The following SPATA1 variants were observed in gnomAD, a reference collection of about 807,000 sequenced individuals.
SPATA1 encodes spermatogenesis associated 1, also known as spermatogenesis-associated protein 1.
SPATA1 carries 57 observed loss-of-function variants against 59.6 expected under a neutral mutation model. The observed-to-expected ratio is 0.96, with a 90% CI of 0.77 to 1.19. The LOEUF is 1.19. SPATA1 is among the 50% of genes most tolerant of loss of function. SPATA1 has a pLI of 0.00. For missense variants in SPATA1, 448 were observed against 480.7 expected, an observed-to-expected ratio of 0.93 and a Z score of 0.64; for synonymous variants, 147 against 163.9, an observed-to-expected ratio of 0.90 and a Z score of 0.79.
At chr1:84,528,968 C>G (rs1683346856) in intron 6 of SPATA1, among the ~76,000 whole-genome samples, 1 of 152,056 alleles carries the variant, frequency 6.6e-6, no homozygotes, top group East Asian at 1.9e-4. Flanking sequence ...TCATTCCCTC[C>G]CCACTGATTT....
intron 6 of SPATA1, among the ~76,000 whole-genome samples, chr1:84,528,648 T>G (rs1683333060): frequency 6.6e-6 from 1 of 152,210 alleles, no homozygotes; most frequent in South Asian, 2.1e-4. Flanking sequence ...GTTTGCAGCT[T>G]GGGACTATTA....
intron 8 of SPATA1, among the ~76,000 whole-genome samples, chr1:84,538,704 C>T (rs1683802970): frequency 6.6e-6 from 1 of 152,148 alleles, no homozygotes; most frequent in Admixed American, 6.5e-5. Flanking sequence ...GAATCAGAAG[C>T]CTGCCAACTT....
chr1:84,529,136 C>A (rs1404099914), intron 6 of SPATA1, among the ~76,000 whole-genome samples: 1 of 151,786 alleles, frequency 6.6e-6, no homozygotes, highest in Non-Finnish European at 1.5e-5. Flanking sequence ...TATTATTATT[C>A]TTTATTGTGA....
exon 1 of SPATA1, chr1:84,506,406 C>T: frequency 4.4e-6 from 1 of 229,026 alleles, no homozygotes; most frequent in Non-Finnish European, 8.7e-6. Flanking sequence ...CCAGAGGGGC[C>T]GATTAGGGAG....
chr1:84,554,987 GA>G (rs1465444176), downstream of SPATA1: 2 of 1,608,330 alleles, frequency 1.2e-6, no homozygotes, highest in Non-Finnish European at 1.7e-6. Flanking sequence ...TTAATGGTTT[GA>G]CAAAAGATGT....
chr1:84,508,233 G>A (rs955723072), intron 1 of SPATA1, among the ~76,000 whole-genome samples: 8 of 151,194 alleles, frequency 5.3e-5, no homozygotes, highest in African/African-American at 1.5e-4. Context: ...GCAGTGAGCC[G>A]AGATGGCACC....
intron 1 of SPATA1, among the ~76,000 whole-genome samples, chr1:84,514,923 A>G (rs1199594349): frequency 6.6e-6 from 1 of 152,102 alleles, no homozygotes; most frequent in Non-Finnish European, 1.5e-5. Flanking sequence ...GTGAGCCAAG[A>G]CTGCGCTACT....
intron 8 of SPATA1, among the ~76,000 whole-genome samples, chr1:84,536,767 TG>T (rs1304857255): frequency 1.3e-4 from 20 of 151,674 alleles, no homozygotes. Context: ...AACCAGACAT[TG>T]GGGAAATATA....
At chr1:84,525,344 T>G (rs1044191254) in intron 4 of SPATA1, among the ~76,000 whole-genome samples, 1 of 152,232 alleles carries the variant, frequency 6.6e-6, no homozygotes, top group Non-Finnish European at 1.5e-5. Context: ...AAATAAAGTT[T>G]ACTAAGTTGG....
intron 8 of SPATA1, among the ~76,000 whole-genome samples, chr1:84,536,021 A>C (rs916751106): frequency 6.6e-6 from 1 of 152,162 alleles, no homozygotes; most frequent in Non-Finnish European, 1.5e-5. Context: ...TCCTGCTTAA[A>C]CCTGCACTGA....
chr1:84,538,419 C>A (rs1164363583), intron 8 of SPATA1, among the ~76,000 whole-genome samples: 1 of 152,108 alleles, frequency 6.6e-6, no homozygotes, highest in Non-Finnish European at 1.5e-5. Context: ...TATCATGATC[C>A]CCTTGGACCT....
downstream of SPATA1, among the ~76,000 whole-genome samples, chr1:84,556,604 C>G (rs1293235008): frequency 1.3e-5 from 2 of 151,114 alleles, no homozygotes; most frequent in Non-Finnish European, 2.9e-5. Flanking sequence ...CCCAGCTACT[C>G]TCGAGGCTGA....
chr1:84,549,086 A>AGGTCAT, intron 11 of SPATA1, 122 bp downstream of exon 11: 1 of 962,194 alleles, frequency 1.0e-6, no homozygotes, highest in South Asian at 3.0e-5. Context: ...TTAAAACAAT[A>AGGTCAT]AAAAAACTCA....
intron 11 of SPATA1, chr1:84,549,630 TTTA>T (rs1684211405): frequency 6.6e-6 from 1 of 152,090 alleles, no homozygotes; most frequent in Admixed American, 6.6e-5. Context: ...TGAAGTTTAT[TTTA>T]TTATTAATTC....
intron 4 of SPATA1, among the ~76,000 whole-genome samples, chr1:84,560,726 G>T (rs1684579873): frequency 6.6e-6 from 1 of 152,116 alleles, no homozygotes; most frequent in African/African-American, 2.4e-5. Flanking sequence ...TTAAGTTGAA[G>T]CCAGTGTTCA....
rs774139177 is a variant in SPATA1, at chr1:84,533,691, C to G, written c.660-18C>G. On this transcript the variant is annotated intron_variant, in intron 7 of 12. Coordinates refer to ENST00000490879, the Ensembl canonical transcript of SPATA1. Reference sequence around the variant, plus strand: ...GGATCATGTTTTAATGACTTTCAAACCTGTCATTTCCTTTAAGTCAGTGTC... The same window carrying G: ...GGATCATGTTTTAATGACTTTCAAAGCTGTCATTTCCTTTAAGTCAGTGTC... The G allele has an allele frequency of 7.8e-6, 12 of 1,539,386 alleles. No homozygotes were observed. The highest frequency in any genetic ancestry group is 1.4e-5 in the African/African-American group (1 of 73,148).
At chr1:84,544,574 T>A (rs1196107647) in intron 9 of SPATA1, among the ~76,000 whole-genome samples, 1 of 152,100 alleles carries the variant, frequency 6.6e-6, no homozygotes, top group African/African-American at 2.4e-5. Flanking sequence ...TTATTTTATT[T>A]TTTTTAGACA....
At chr1:84,510,953 A>AT (rs1682512086) in intron 1 of SPATA1, among the ~76,000 whole-genome samples, 4 of 152,188 alleles carry the variant, frequency 2.6e-5, no homozygotes, top group Non-Finnish European at 5.9e-5. Flanking sequence ...TTGGCAGTAA[A>AT]AATTGAAACA....
At chr1:84,521,114 C>CA (rs1683003833) in intron 3 of SPATA1, among the ~76,000 whole-genome samples, 1 of 88,500 alleles carries the variant, frequency 1.1e-5, no homozygotes, top group Non-Finnish European at 2.2e-5. Context: ...CTGCCAAAAA[C>CA]AAAAAAGAGA....
Sources: allele counts gnomAD v4.1 joint callset (sites outside exome capture counted in the v4.1 genomes callset), GRCh38; gene constraint gnomAD v4.1.1; transcripts MANE v1.5; gene names NCBI Gene and HGNC (gene_info 2026-07-23, HGNC 2026-07-21).